Variants in SORCS3 observed in about 807,000 individuals in gnomAD.
SORCS3 encodes the protein VPS10 domain-containing receptor SorCS3.
Under a neutral mutation model 146.3 loss-of-function variants are expected in SORCS3, and 57 were observed. That is an observed-to-expected ratio of 0.39 (90% CI 0.31 to 0.49). The LOEUF (loss-of-function observed/expected upper bound fraction) is 0.49, where lower values mean the gene tolerates loss of function less well. Among genes scored for constraint, SORCS3 ranks in the 20% least tolerant of loss-of-function variants. The pLI, the probability that SORCS3 is intolerant of heterozygous loss-of-function variation, is 0.92. For synonymous variants in SORCS3, 653 were observed against 618.5 expected (o/e 1.06, Z -0.83); for missense variants, 1,341 against 1,575.5 (o/e 0.85, Z 2.52).
intron 1 of SORCS3, among the ~76,000 whole-genome samples, chr10:104,706,632 G>A (rs931530054): frequency 6.6e-6 from 1 of 152,192 alleles, no homozygotes; most frequent in African/African-American, 2.4e-5. Context: ...ATGGTAAGGG[G>A]TGCGATGTAT....
intron 3 of SORCS3, among the ~76,000 whole-genome samples, chr10:104,957,648 G>A (rs565321686): frequency 3.9e-5 from 6 of 152,090 alleles, no homozygotes; most frequent in African/African-American, 1.4e-4. Flanking sequence ...TACCTCTTCA[G>A]TCCTTCCTCT....
At chr10:105,199,864 A>G (rs1428134944) in intron 14 of SORCS3, 135 bp from the exon 15 acceptor site, 1 of 667,342 alleles carries the variant, frequency 1.5e-6, no homozygotes, top group African/African-American at 1.8e-5. Context: ...AATGGCCCTC[A>G]AGGAACTCAC....
chr10:104,961,016 G>T (rs11192253), intron 3 of SORCS3, among the ~76,000 whole-genome samples: 5 of 152,148 alleles, frequency 3.3e-5, no homozygotes, highest in African/African-American at 1.2e-4. Context: ...TTCCTCCTAC[G>T]CAGCTTCAAC....
intron 6 of SORCS3, among the ~76,000 whole-genome samples, chr10:105,103,114 A>G (rs2055797378): frequency 6.6e-6 from 1 of 152,112 alleles, no homozygotes. Flanking sequence ...AGCTTTTCTT[A>G]GAGACTCAGA....
At chr10:104,912,160 A>G (rs1185485538) in intron 2 of SORCS3, among the ~76,000 whole-genome samples, 1 of 152,132 alleles carries the variant, frequency 6.6e-6, no homozygotes, top group African/African-American at 2.4e-5. Context: ...TGTCAGAATA[A>G]TTTTTTAACA....
At chr10:105,122,036 T>C (rs1385186551) in intron 7 of SORCS3, among the ~76,000 whole-genome samples, 2 of 152,090 alleles carry the variant, frequency 1.3e-5, no homozygotes, top group African/African-American at 4.8e-5. Context: ...TGCCAGCAAG[T>C]CTTCCACACC....
At chr10:104,935,987 C>T (rs2019256128) in intron 3 of SORCS3, among the ~76,000 whole-genome samples, 1 of 152,096 alleles carries the variant, frequency 6.6e-6, no homozygotes, top group South Asian at 2.1e-4. Context: ...TGCATCAGGT[C>T]TGTGTCCTAG....
chr10:105,052,637 A>C (rs1208960489), intron 5 of SORCS3, among the ~76,000 whole-genome samples: 2 of 152,040 alleles, frequency 1.3e-5, no homozygotes, highest in African/African-American at 4.8e-5. Flanking sequence ...CAGTACTTGC[A>C]TGTTACATTA....
chr10:104,986,685 G>C (rs1440503436), intron 4 of SORCS3, among the ~76,000 whole-genome samples: 1 of 152,154 alleles, frequency 6.6e-6, no homozygotes, highest in Non-Finnish European at 1.5e-5. Flanking sequence ...TGATTTGAAT[G>C]TTGTTATGTC....
chr10:104,946,841 T>C (rs886336482), intron 3 of SORCS3, among the ~76,000 whole-genome samples: 1 of 152,162 alleles, frequency 6.6e-6, no homozygotes, highest in Non-Finnish European at 1.5e-5. Flanking sequence ...AGGTTTATGT[T>C]TCTTTAGTGG....
intron 5 of SORCS3, among the ~76,000 whole-genome samples, chr10:105,054,563 A>G (rs35497888): frequency 0.013 from 1,963 of 151,384 alleles, 21 homozygotes; most frequent in Admixed American, 0.025. Context: ...TAAGATTTAT[A>G]GGATTTCTTT....
chr10:104,750,587 T>C (rs1294469795), intron 1 of SORCS3, among the ~76,000 whole-genome samples: 4 of 152,134 alleles, frequency 2.6e-5, no homozygotes, highest in Non-Finnish European at 1.5e-5. Context: ...TTGTACCCAG[T>C]GCACAAATAA....
intron 20 of SORCS3, 37 bp from the exon 21 acceptor site, chr10:105,245,505 C>T (rs780299348): frequency 6.2e-7 from 1 of 1,611,114 alleles, no homozygotes; most frequent in Non-Finnish European, 8.5e-7. Flanking sequence ...TGATATCCCA[C>T]ACAAGACTGA....
At chr10:104,938,827 C>T (rs751834469) in intron 3 of SORCS3, among the ~76,000 whole-genome samples, 2 of 152,172 alleles carry the variant, frequency 1.3e-5, no homozygotes, top group African/African-American at 4.8e-5. Flanking sequence ...TGCTGCCTTG[C>T]GGGGGAAGCC....
chr10:104,717,959 G>C (rs2016498825), intron 1 of SORCS3, among the ~76,000 whole-genome samples: 1 of 151,916 alleles, frequency 6.6e-6, no homozygotes, highest in Admixed American at 6.6e-5. Flanking sequence ...TGTCCAACAT[G>C]GTGAAACCCC....
At chr10:104,919,133 C>A (rs2019060951) in intron 3 of SORCS3, among the ~76,000 whole-genome samples, 1 of 152,110 alleles carries the variant, frequency 6.6e-6, no homozygotes, top group African/African-American at 2.4e-5. Context: ...GGGATACCAC[C>A]TCCATTTATC....
chr10:105,031,353 A>G (rs2055266389), intron 4 of SORCS3, among the ~76,000 whole-genome samples: 1 of 151,420 alleles, frequency 6.6e-6, no homozygotes, highest in African/African-American at 2.4e-5. Flanking sequence ...ACACACACAC[A>G]CACACACACA....
intron 3 of SORCS3, among the ~76,000 whole-genome samples, chr10:104,927,357 G>T (rs1435474955): frequency 6.6e-6 from 1 of 152,144 alleles, no homozygotes; most frequent in South Asian, 2.1e-4. Flanking sequence ...GATTCCATTT[G>T]AGGTTAAATG....
Position 104,977,357 on chromosome 10 carries a change from A to G in SORCS3, c.818A>G (p.Glu273Gly). ...KRKIMLLSDP[E>G]MESSILISSD... Reference sequence around the variant, plus strand: ...TAGATTATGCTTCTCAGTGATCCTGAGATGGAGAGCAGCATATTGATCAGC... The same window carrying G: ...TAGATTATGCTTCTCAGTGATCCTGGGATGGAGAGCAGCATATTGATCAGC... Residue 273 changes from glutamate (E) to glycine (G), a missense_variant, in exon 4 of 27, where the codon GAG becomes GGG. Coordinates refer to ENST00000369701, the MANE Select transcript of SORCS3 (RefSeq NM_014978.3). The G allele has an allele frequency of 6.2e-7, 1 of 1,613,186 alleles. No homozygotes were observed.
Sources: gnomAD v4.1 joint callset for allele counts (sites outside exome capture counted in the v4.1 genomes callset) on GRCh38, gnomAD v4.1.1 for gene constraint, MANE v1.5 for transcripts, NCBI Gene and HGNC (gene_info 2026-07-23, HGNC 2026-07-21) for gene names.